The following CSMD1 variants were observed in gnomAD, a reference collection of about 807,000 sequenced individuals.
CSMD1 encodes the protein CUB and Sushi multiple domains 1, also known as CUB and sushi domain-containing protein 1.
In CSMD1, 213 loss-of-function variants were observed where a neutral mutation model predicts 417.5. That is an observed-to-expected ratio of 0.51 (90% CI 0.46 to 0.57). CSMD1 has a LOEUF of 0.57. CSMD1 is among the 20% of genes least tolerant of loss of function. CSMD1 has a pLI of 0.00. For synonymous variants in CSMD1, 2,862 were observed against 1,736.8 expected, an observed-to-expected ratio of 1.65 and a Z score of -16.11; for missense variants, 6,923 against 4,529.7, an observed-to-expected ratio of 1.53 and a Z score of -15.17.
chr8:4,142,960 A>C (rs1045109062), intron 3 of CSMD1, among the ~76,000 whole-genome samples: 2 of 150,172 alleles, frequency 1.3e-5, no homozygotes, highest in South Asian at 4.2e-4. Flanking sequence ...AATACCCAGA[A>C]ACTATCAGAT....
intron 5 of CSMD1, among the ~76,000 whole-genome samples, chr8:3,878,198 C>G (rs1226833055): frequency 1.3e-5 from 2 of 152,006 alleles, no homozygotes; most frequent in Non-Finnish European, 2.9e-5. Flanking sequence ...TTTTGTAGTT[C>G]AGGGATAAAA....
intron 3 of CSMD1, among the ~76,000 whole-genome samples, chr8:4,317,418 T>A (rs1798997912): frequency 6.6e-6 from 1 of 152,180 alleles, no homozygotes; most frequent in Admixed American, 6.6e-5. Flanking sequence ...ACAAAACCAG[T>A]TAGTGTATCT....
At chr8:3,201,568 T>G in intron 32 of CSMD1, 44 bp downstream of exon 32, 1 of 1,057,844 alleles carries the variant, frequency 9.5e-7, no homozygotes, top group East Asian at 2.6e-5. Flanking sequence ...TTAATCCCCC[T>G]AGCTGTCTGA....
At chr8:4,038,326 T>C (rs1797720710) in intron 3 of CSMD1, among the ~76,000 whole-genome samples, 2 of 152,274 alleles carry the variant, frequency 1.3e-5, no homozygotes, top group East Asian at 1.9e-4. Flanking sequence ...GACATAGTAT[T>C]ATAAATCCAT....
At chr8:4,234,010 G>A (rs573447102) in intron 3 of CSMD1, among the ~76,000 whole-genome samples, 3 of 152,082 alleles carry the variant, frequency 2.0e-5, no homozygotes, top group African/African-American at 4.8e-5. Context: ...TGCCTGAGAG[G>A]TTCTGGCATC....
rs141227084 is a variant in CSMD1, at chr8:4,423,864, G to T, written c.303-3799C>A. ...TATTTGGTATCGGCAGATTGGCAAAGACATAAACCCGTATGTCAATGGATC... is the reference window on the plus strand; with the variant it reads ...TATTTGGTATCGGCAGATTGGCAAATACATAAACCCGTATGTCAATGGATC... On this transcript the variant is annotated intron_variant, in intron 2 of 69. Coordinates refer to ENST00000635120, the MANE Select transcript of CSMD1 (RefSeq NM_033225.6). Among the ~76,000 whole-genome samples, 62 of 151,990 alleles carry T rather than the reference G, an allele frequency of 4.1e-4. 1 individual carries two copies. The highest frequency in any genetic ancestry group is 1.0e-4 in the Non-Finnish European group (7 of 67,964).
At chr8:4,694,014 C>A (rs1016392866) in intron 1 of CSMD1, among the ~76,000 whole-genome samples, 1 of 152,218 alleles carries the variant, frequency 6.6e-6, no homozygotes. Flanking sequence ...CCCCAAATCA[C>A]TAAGCCAAAG....
At position 3,468,818 on chromosome 8, in the gene CSMD1, C is replaced by T. The variant is rs753486915; in HGVS notation, c.1455G>A (p.Thr485=). ...CAATGAGGTCAGGAACACTGGATCC[C>T]GTGAGCCTGCAAGAAAGAGAAATGT... ...GDTRSVLYVL[T]GSSVPDLIVS... Residue 485 remains threonine, a synonymous_variant, in exon 12 of 70, where the codon ACG becomes ACA. Transcript: ENST00000635120. The T allele has an allele frequency of 1.4e-5, 23 of 1,589,028 alleles. No homozygotes were observed. Among genetic ancestry groups the T allele is most frequent in the East Asian group, 4.5e-5 (2 of 44,156 alleles).
At chr8:3,146,199 G>T (rs1208091020) in intron 40 of CSMD1, among the ~76,000 whole-genome samples, 5 of 152,072 alleles carry the variant, frequency 3.3e-5, no homozygotes, top group African/African-American at 1.2e-4. Flanking sequence ...AAGATAATGG[G>T]GTAAGGCAGA....
chr8:3,188,075 T>TAC, intron 35 of CSMD1, 110 bp from the exon 36 acceptor site: 1 of 393,302 alleles, frequency 2.5e-6, no homozygotes, highest in Non-Finnish European at 4.5e-6. Flanking sequence ...TATATATATA[T>TAC]ACATATGTAT....
In CSMD1 at chr8:3,795,163, T is replaced by C. The variant is rs188096724; in HGVS notation, c.819-41121A>G. On this transcript the variant is annotated intron_variant, in intron 5 of 69. Transcript: ENST00000635120. The stretch of plus-strand genomic sequence containing the variant: ...GATATCTATCATGTACAGCTATAGA[T>C]ACCTATCATGTACAGCTATAGATAC... Among the ~76,000 whole-genome samples, 25 of 64,518 alleles carry C rather than the reference T, an allele frequency of 3.9e-4. 1 individual carries two copies. The highest frequency in any genetic ancestry group is 1.2e-3 in the African/African-American group (21 of 17,852). 42.3% of individuals were successfully genotyped at this position (64,518 alleles called of 152,430 possible). A position where few individuals can be genotyped will look rare whatever the true frequency, so the allele number is the denominator to read the frequency against.
intron 41 of CSMD1, among the ~76,000 whole-genome samples, chr8:3,121,036 A>C (rs944966306): frequency 3.3e-5 from 5 of 152,172 alleles, no homozygotes; most frequent in Non-Finnish European, 7.3e-5. Flanking sequence ...AAAAAGGTGA[A>C]TGTTTAAAGA....
At chr8:4,984,539 G>C (rs74454008) in intron 1 of CSMD1, among the ~76,000 whole-genome samples, 5,944 of 152,288 alleles carry the variant, frequency 0.039, 140 homozygotes, top group Middle Eastern at 0.13. Context: ...TTTCTTGTCT[G>C]TTCTCCGGCT....
At chr8:3,167,529 G>C (rs994581222) in intron 37 of CSMD1, among the ~76,000 whole-genome samples, 1 of 152,184 alleles carries the variant, frequency 6.6e-6, no homozygotes, top group Non-Finnish European at 1.5e-5. Flanking sequence ...ATGTACTGTA[G>C]TGTTTTATAC....
At chr8:3,461,685 C>G (rs543903240) in intron 12 of CSMD1, among the ~76,000 whole-genome samples, 2 of 152,298 alleles carry the variant, frequency 1.3e-5, no homozygotes, top group South Asian at 4.2e-4. Context: ...ATGGAAGCAG[C>G]CATCATCCTT....
chr8:3,049,901 T>C (rs1341900735), intron 50 of CSMD1, among the ~76,000 whole-genome samples: 1 of 152,058 alleles, frequency 6.6e-6, no homozygotes, highest in Non-Finnish European at 1.5e-5. Context: ...GTGTCTTCCA[T>C]TCAATTTTGC....
chr8:4,738,413 G>C (rs1396624523), intron 1 of CSMD1, among the ~76,000 whole-genome samples: 1 of 152,144 alleles, frequency 6.6e-6, no homozygotes, highest in Non-Finnish European at 1.5e-5. Context: ...AGAAGGAGAA[G>C]GGCTGAGCGA....
chr8:4,070,907 T>C (rs1323700342), intron 3 of CSMD1, among the ~76,000 whole-genome samples: 1 of 152,240 alleles, frequency 6.6e-6, no homozygotes, highest in Non-Finnish European at 1.5e-5. Flanking sequence ...CTTTTAGCAC[T>C]TTAATGATGT....
At chr8:4,564,621 G>T (rs1159128117) in intron 2 of CSMD1, among the ~76,000 whole-genome samples, 1 of 152,182 alleles carries the variant, frequency 6.6e-6, no homozygotes, top group Non-Finnish European at 1.5e-5. Context: ...GTTAAGTTTT[G>T]TCACATAAAC....
Sources: allele counts gnomAD v4.1 joint callset (sites outside exome capture counted in the v4.1 genomes callset), GRCh38; gene constraint gnomAD v4.1.1; transcripts MANE v1.5; gene names NCBI Gene and HGNC (gene_info 2026-07-23, HGNC 2026-07-21).